Variants in ESYT1 observed in about 807,000 individuals in gnomAD.
ESYT1 encodes the protein extended synaptotagmin-1.
ESYT1 carries 116 observed loss-of-function variants against 154.2 expected under a neutral mutation model. That is an observed-to-expected ratio of 0.75 (90% CI 0.65 to 0.88). The LOEUF is 0.88. ESYT1 is among the 40% of genes least tolerant of loss of function. The pLI is 0.00. For missense variants in ESYT1, 1,264 were observed against 1,379.3 expected (o/e 0.92, Z 1.32); for synonymous variants, 500 against 539.9 (o/e 0.93, Z 1.02).
intron 15 of ESYT1, among the ~76,000 whole-genome samples, 142 bp from the exon 16 acceptor site, chr12:56,136,590 CAAAAAAAAAAAA>C (rs944160332): frequency 1.7e-5 from 1 of 58,212 alleles, no homozygotes; most frequent in Non-Finnish European, 3.7e-5. Context: ...GACTCTGTCT[CAAAAAAAAAAAA>C]AAAAAAAAGA....
Position 56,143,591 on chromosome 12 carries a change from C to T in ESYT1, c.3237C>T (p.Asp1079=). ...ERELLGKVQL[D]LAETDLSQGV... Reference sequence around the variant, plus strand: ...ATCTTCCAACACAGGTGCAGCTGGACCTAGCTGAGACAGACCTTTCCCAGG... The same window carrying T: ...ATCTTCCAACACAGGTGCAGCTGGATCTAGCTGAGACAGACCTTTCCCAGG... The change falls in exon 30 of 31, where the codon GAC becomes GAT. Residue 1079 remains aspartate (D), a synonymous_variant. Transcript: ENST00000394048. 1 of 1,614,084 alleles carries T rather than the reference C, an allele frequency of 6.2e-7. No individual in the cohort carries two copies. Among genetic ancestry groups the T allele is most frequent in the African/African-American group, 1.3e-5 (1 of 75,012 alleles).
In ESYT1 at chr12:56,128,304, TC is replaced by T; in HGVS notation, c.-13del. The T allele has an allele frequency of 6.2e-7, 1 of 1,603,016 alleles. No homozygotes were observed. The highest frequency in any genetic ancestry group is 8.5e-7 in the Non-Finnish European group (1 of 1,176,326). On this transcript the variant is annotated 5_prime_UTR_variant, in exon 1 of 31. Coordinates refer to ENST00000394048, the MANE Select transcript of ESYT1 (RefSeq NM_015292.3). ...GCCAGTCCCTGGGTCGGGCGGATCC[TC>T]CCAGAGGTGGCACAATGGAGCGATC...
At chr12:56,143,554 C>G in intron 29 of ESYT1, 26 bp from the exon 30 acceptor site, 1 of 1,613,766 alleles carries the variant, frequency 6.2e-7, no homozygotes, top group Non-Finnish European at 8.5e-7. Flanking sequence ...GAAATAACAT[C>G]TTTCCCCTAT....
In ESYT1 at chr12:56,137,346, G is replaced by A. The variant is rs148325073; in HGVS notation, c.1911G>A (p.Thr637=). ...SVDAPPRPCH[T]TPDSQFGTEH... ...ATGCCCCACCTCGACCCTGTCACAC[G>A]ACTCCTGATAGCCAGTTTGGGACTG... The change falls in exon 17 of 31, where the codon ACG becomes ACA. Residue 637 remains threonine, a synonymous_variant. Coordinates refer to ENST00000394048, the MANE Select transcript of ESYT1 (RefSeq NM_015292.3). The A allele has an allele frequency of 2.6e-5, 42 of 1,614,032 alleles. No homozygotes were observed. The highest frequency in any genetic ancestry group is 6.6e-5 in the South Asian group (6 of 91,080).
rs751530263 is a variant in ESYT1 at position 56,128,533 on chromosome 12, G to C, written c.214G>C (p.Gly72Arg). The C allele has an allele frequency of 1.2e-6, 2 of 1,613,008 alleles. No homozygotes were observed. The highest frequency in any genetic ancestry group is 2.2e-5 in the South Asian group (2 of 90,846). Residue 72 changes from glycine to arginine, a missense_variant, in exon 1 of 31, where the codon GGG (glycine) becomes CGG (arginine). By Grantham distance (125) the Gly-to-Arg change is moderately radical (BLOSUM62 -2). Transcript: ENST00000394048. ...GGTGCTGATACCTGTGTATTTGGCC[G>C]GGGCAGTGGGACTCAGCGTGGGTTT... ...LLVLIPVYLA[G>R]AVGLSVGFVL...
At position 56,131,271 on chromosome 12, in the gene ESYT1, G is replaced by A. The variant is rs1434303350; in HGVS notation, c.669G>A (p.Val223=). 3.7e-6 allele frequency: 6 copies of A among 1,614,164 alleles called. No homozygotes were observed. Among genetic ancestry groups the A allele is most frequent in the Non-Finnish European group, 5.1e-6 (6 of 1,180,040 alleles). ...ISYVGDVQID[V]EVKKYFCKAG... ...ATGTAGGTGATGTGCAGATTGATGT[G>A]GAAGTGAAGAAATATTTTTGCAAAG... The change falls in exon 5 of 31, where the codon GTG becomes GTA. Residue 223 remains valine (V), a synonymous_variant. Transcript: ENST00000394048.
At chr12:56,134,922 G>A (rs1221266975) in intron 15 of ESYT1, among the ~76,000 whole-genome samples, 2 of 151,968 alleles carry the variant, frequency 1.3e-5, no homozygotes, top group East Asian at 3.9e-4. Context: ...ACTTGTTCTT[G>A]AATGATTTTA....
Position 56,128,618 on chromosome 12 carries a change from G to A in ESYT1, c.299G>A (p.Arg100Gln), listed in dbSNP as rs199938724. The A allele has an allele frequency of 2.7e-5, 44 of 1,614,198 alleles. No homozygotes were observed. The highest frequency in any genetic ancestry group is 1.7e-4 in the Middle Eastern group (1 of 6,060). The part of the protein sequence containing the change: ...GWRRVRDEKE[R>Q]SLRAARQLLD... ...CGCCGGGTCCGCGACGAGAAAGAAC[G>A]GAGCCTTCGAGCAGCGAGGCAGCTA... Residue 100 changes from arginine (R) to glutamine (Q), a missense_variant, in exon 1 of 31, where the codon CGG becomes CAG. By Grantham distance (43) the Arg-to-Gln change is conservative. Transcript: ENST00000394048.
rs1870848420 is a variant in ESYT1, at chr12:56,144,629, C to T, written c.*767C>T. On this transcript the variant is annotated 3_prime_UTR_variant, in exon 31 of 31. Coordinates refer to ENST00000394048, the MANE Select transcript of ESYT1 (RefSeq NM_015292.3). ...CTGGTACTTTACAGTTTTGCACCAA[C>T]TCTGCCAAGCCACTGGATCTTACAT... The T allele has an allele frequency of 1.0e-6, 1 of 985,364 alleles. No individual in the cohort carries two copies. Among genetic ancestry groups the T allele is most frequent in the Admixed American group, 6.1e-5 (1 of 16,292 alleles). The allele number at this position is 985,364 out of a possible 1,614,324, so 61.0% of individuals were successfully genotyped here. A position where few individuals can be genotyped will look rare whatever the true frequency, so the allele number is the denominator to read the frequency against.
chr12:56,134,383 C>G lies in ESYT1; in HGVS notation c.1587C>G (p.Phe529Leu). ...STNCPVWEEA[F>L]RFFLQDPQSQ... ...ACTGCCCAGTGTGGGAGGAAGCGTT[C>G]CGGTTCTTCCTACAAGACCCTCAAA... Residue 529 changes from phenylalanine (F) to leucine (L), a missense_variant, in exon 15 of 31, where the codon TTC (phenylalanine) becomes TTG (leucine). By Grantham distance (22) the Phe-to-Leu change is conservative. Coordinates refer to ENST00000394048, the MANE Select transcript of ESYT1 (RefSeq NM_015292.3). 1 of 1,614,172 alleles carries G rather than the reference C, an allele frequency of 6.2e-7. No individual in the cohort carries two copies. The highest frequency in any genetic ancestry group is 1.6e-4 in the Middle Eastern group (1 of 6,062).
At chr12:56,138,690 T>TG in intron 22 of ESYT1, 78 bp from the exon 23 acceptor site, 4 of 1,439,046 alleles carry the variant, frequency 2.8e-6, no homozygotes. Flanking sequence ...ACATGGCTGC[T>TG]GGCTGTGGAT....
At chr12:56,136,638 G>T in intron 15 of ESYT1, 106 bp from the exon 16 acceptor site, 91 of 708,870 alleles carry the variant, frequency 1.3e-4, no homozygotes, top group Non-Finnish European at 1.6e-4. Flanking sequence ...CAGGAGGTTT[G>T]TGATTGGTAC....
intron 1 of ESYT1, 171 bp from the exon 2 acceptor site, chr12:56,130,411 C>G (rs1415033801): frequency 1.4e-6 from 1 of 728,794 alleles, no homozygotes; most frequent in African/African-American, 1.7e-5. Flanking sequence ...AGACATCAGC[C>G]CCCAAACTCT....
Position 56,133,481 on chromosome 12 carries a change from A to C in ESYT1, c.1293+16A>C. 6.2e-7 allele frequency: 1 copy of C among 1,614,158 alleles called. No homozygotes were observed. Among genetic ancestry groups the C allele is most frequent in the South Asian group, 1.1e-5 (1 of 91,078 alleles). On this transcript the variant is annotated intron_variant, in intron 11 of 30. Coordinates refer to ENST00000394048, the MANE Select transcript of ESYT1 (RefSeq NM_015292.3). ...TCTGGATGATGTAAGTTGGGAGAAG[A>C]GGAAGGTGGGGGCTGATCTCACCCT...
intron 24 of ESYT1, among the ~76,000 whole-genome samples, chr12:56,141,609 G>A (rs1371588480): frequency 5.9e-5 from 9 of 152,138 alleles, no homozygotes; most frequent in African/African-American, 1.2e-4. Context: ...GTGTGGTGGC[G>A]GACACCTGTA....
chr12:56,137,386 C>A lies in ESYT1; in HGVS notation c.1938+13C>A, dbSNP rs2271191. The A allele has an allele frequency of 1.2e-6, 2 of 1,614,038 alleles. No individual in the cohort carries two copies. The highest frequency in any genetic ancestry group is 2.2e-5 in the East Asian group (1 of 44,906). ...GTTTGGGACTGAGGTGAGTCTATAT[C>A]TGGAAAGGACTAGGGTCTGTTTGCC... On this transcript the variant is annotated intron_variant, in intron 17 of 30. Transcript: ENST00000394048.
chr12:56,139,737 A>G (rs1870614762), intron 24 of ESYT1, among the ~76,000 whole-genome samples: 2 of 151,570 alleles, frequency 1.3e-5, no homozygotes, highest in Non-Finnish European at 2.9e-5. Context: ...CTGGGATTAC[A>G]TGCGCGTGCC....
Position 56,142,750 on chromosome 12 carries a change from G to A in ESYT1, c.2888+18G>A, listed in dbSNP as rs372603528. 6.8e-6 allele frequency: 11 copies of A among 1,613,570 alleles called. No homozygotes were observed. The African/African-American group carries it at 9.3e-5, about 14-fold the overall frequency. ...GTTGACAGGTAAAGGGCTGGGACAG[G>A]AAGGTGGGACGCAGTCAGAAATAAA... is the stretch of plus-strand genomic sequence containing the variant. On this transcript the variant is annotated intron_variant, in intron 26 of 30. Coordinates refer to ENST00000394048, the MANE Select transcript of ESYT1 (RefSeq NM_015292.3). This position sits in a 1 kb window ranked among gnomAD's most constrained non-coding sequence, Gnocchi z 4.1.
In ESYT1 at chr12:56,137,821, T is replaced by C; in HGVS notation, c.2116-11T>C. 1.9e-6 allele frequency: 3 copies of C among 1,614,016 alleles called. No individual in the cohort carries two copies. Among genetic ancestry groups the C allele is most frequent in the Non-Finnish European group, 2.5e-6 (3 of 1,179,934 alleles). On this transcript the variant is annotated splice_polypyrimidine_tract_variant and intron_variant, in intron 18 of 30. Transcript: ENST00000394048. ...AGAGAATCTTTCATCTGCACTATTT[T>C]CTCCCACTAGGTGATCGTCACATCA...
Sources: gnomAD v4.1 joint callset for allele counts (sites outside exome capture counted in the v4.1 genomes callset) on GRCh38, gnomAD v4.1.1 for gene constraint, Gnocchi (gnomAD v3.1) non-coding constraint, MANE v1.5 for transcripts, NCBI Gene and HGNC (gene_info 2026-07-23, HGNC 2026-07-21) for gene names.